Variants in VPS41 observed in about 807,000 individuals in gnomAD.
The protein encoded by VPS41 is VPS41 subunit of HOPS complex, also known as vacuolar protein sorting-associated protein 41 homolog.
VPS41 carries 85 observed loss-of-function variants against 130.9 expected under a neutral mutation model. The ratio of observed to expected loss-of-function variants is 0.65; its 90% CI spans 0.55 to 0.78. VPS41 has a LOEUF of 0.78. VPS41 is among the 30% of genes least tolerant of loss of function. VPS41 has a pLI of 0.00. For missense variants in VPS41, 874 were observed against 1,018.7 expected, an observed-to-expected ratio of 0.86 and a Z score of 1.93; for synonymous variants, 335 against 332.9, an observed-to-expected ratio of 1.01 and a Z score of -0.07.
At chr7:38,752,131 A>C (rs764350383) in intron 22 of VPS41, 45 bp downstream of exon 22, 12 of 1,610,582 alleles carry the variant, frequency 7.5e-6, no homozygotes, top group Non-Finnish European at 9.3e-6. Context: ...CATCAATGAC[A>C]ACCTCTTCAT....
intron 2 of VPS41, among the ~76,000 whole-genome samples, chr7:38,889,573 A>AAAAAAAAAAAC (rs1562625397): frequency 2.7e-5 from 4 of 145,500 alleles, no homozygotes; most frequent in African/African-American, 7.6e-5. Flanking sequence ...AAAAAAAAAA[A>AAAAAAAAAAAC]ACCTTAAAAC....
At chr7:38,844,194 T>C (rs1451094911) in intron 4 of VPS41, among the ~76,000 whole-genome samples, 1 of 152,268 alleles carries the variant, frequency 6.6e-6, no homozygotes, top group Non-Finnish European at 1.5e-5. Context: ...TCACAGTCTA[T>C]TGAACTGCAG....
chr7:38,819,516 A>T (rs1435498099), intron 6 of VPS41, among the ~76,000 whole-genome samples: 1 of 152,042 alleles, frequency 6.6e-6, no homozygotes, highest in Non-Finnish European at 1.5e-5. Context: ...CTCATCTCCA[A>T]TTTATTCCTT....
chr7:38,802,412 C>T (rs1784747140), intron 7 of VPS41, among the ~76,000 whole-genome samples: 1 of 152,116 alleles, frequency 6.6e-6, no homozygotes, highest in South Asian at 2.1e-4. Context: ...CTTTTCCTAT[C>T]CTACATAGTA....
intron 4 of VPS41, among the ~76,000 whole-genome samples, chr7:38,852,468 T>C (rs1214319162): frequency 6.6e-6 from 1 of 152,222 alleles, no homozygotes; most frequent in Non-Finnish European, 1.5e-5. Context: ...GTTGTGGTCA[T>C]TGGGTTGATA....
intron 5 of VPS41, among the ~76,000 whole-genome samples, chr7:38,829,548 A>C (rs1466780351): frequency 6.6e-6 from 1 of 152,222 alleles, no homozygotes; most frequent in East Asian, 1.9e-4. Flanking sequence ...GCAAACCAAC[A>C]TTAGAAAAGA....
intron 12 of VPS41, among the ~76,000 whole-genome samples, 173 bp from the exon 13 acceptor site, chr7:38,772,810 G>C (rs1190835521): frequency 6.6e-6 from 1 of 152,006 alleles, no homozygotes; most frequent in Non-Finnish European, 1.5e-5. Flanking sequence ...GGTAAAGAAT[G>C]ACAGAAGCGT....
intron 22 of VPS41, 154 bp from the exon 23 acceptor site, chr7:38,745,767 A>G (rs1795974186): frequency 1.5e-6 from 1 of 650,666 alleles, no homozygotes; most frequent in Admixed American, 3.0e-5. Flanking sequence ...TCCCTAGAAT[A>G]GCTGCACTCA....
intron 4 of VPS41, 124 bp from the exon 5 acceptor site, chr7:38,830,452 C>T: frequency 1.4e-6 from 1 of 729,940 alleles, no homozygotes; most frequent in Non-Finnish European, 2.5e-6. Flanking sequence ...CAGTTTCCAA[C>T]TATCTTACAC....
chr7:38,900,357 T>C (rs184641273), intron 1 of VPS41, among the ~76,000 whole-genome samples: 1 of 152,250 alleles, frequency 6.6e-6, no homozygotes, highest in South Asian at 2.1e-4. Flanking sequence ...CTAAATAATG[T>C]GTACACGTGG....
At position 38,774,292 on chromosome 7, in the gene VPS41, T is replaced by C. The variant is rs186892791; in HGVS notation, c.883-48A>G. ...CATTAATTTAAATTACATTTCTATA[T>C]ATCATACAAATTAATTCTAGTTAGC... On this transcript the variant is annotated intron_variant, in intron 11 of 28. Transcript: ENST00000310301. The C allele has an allele frequency of 2.3e-5, 34 of 1,492,536 alleles. No individual in the cohort carries two copies. The East Asian group carries it at 7.2e-4, about 32-fold the overall frequency. The allele number at this position is 1,492,536 out of a possible 1,614,324, so 92.5% of individuals were successfully genotyped here. A position where few individuals can be genotyped will look rare whatever the true frequency, so the allele number is the denominator to read the frequency against.
At chr7:38,738,023 T>C (rs930618546) in intron 25 of VPS41, among the ~76,000 whole-genome samples, 5 of 152,096 alleles carry the variant, frequency 3.3e-5, no homozygotes, top group African/African-American at 1.2e-4. Flanking sequence ...AAAACAGAGG[T>C]CCAAGGATGT....
At chr7:38,734,635 A>C (rs1795728890) in intron 25 of VPS41, among the ~76,000 whole-genome samples, 1 of 152,256 alleles carries the variant, frequency 6.6e-6, no homozygotes, top group South Asian at 2.1e-4. Context: ...TTATAAAGCA[A>C]TAAAAGAACT....
chr7:38,857,342 C>G (rs1348257195), intron 4 of VPS41, among the ~76,000 whole-genome samples: 1 of 152,052 alleles, frequency 6.6e-6, no homozygotes, highest in African/African-American at 2.4e-5. Flanking sequence ...TACTATAGTG[C>G]CTTACAGCAA....
Position 38,796,878 on chromosome 7 carries a change from G to A in VPS41, c.451-14C>T, listed in dbSNP as rs1196390581. 1.9e-6 allele frequency: 3 copies of A among 1,613,526 alleles called. No individual in the cohort carries two copies. In the South Asian group the frequency reaches 3.3e-5, roughly 18 times the overall value. ...AAACAGTAGCAGCTAGGGACAAAAA[G>A]CATAAACAAAGAATCTTAGAAACTG... On this transcript the variant is annotated splice_polypyrimidine_tract_variant and intron_variant, in intron 7 of 28. Coordinates refer to ENST00000310301, the MANE Select transcript of VPS41 (RefSeq NM_014396.4).
chr7:38,799,648 T>C (rs1584401781), intron 7 of VPS41, among the ~76,000 whole-genome samples: 1 of 152,222 alleles, frequency 6.6e-6, no homozygotes, highest in Non-Finnish European at 1.5e-5. Context: ...AACCTATAAT[T>C]TTAATGCAAG....
intron 4 of VPS41, among the ~76,000 whole-genome samples, chr7:38,834,498 C>T (rs1341876543): frequency 1.3e-5 from 2 of 151,954 alleles, no homozygotes; most frequent in Admixed American, 6.6e-5. Flanking sequence ...TAAAATAAAA[C>T]GGAGAAGTCA....
rs764001182 is a variant in VPS41, at chr7:38,776,756, A to G, written c.805T>C (p.Phe269Leu). 10 of 1,610,196 alleles carry G rather than the reference A, an allele frequency of 6.2e-6. No individual in the cohort carries two copies. In the Admixed American group the frequency reaches 6.7e-5, roughly 11 times the overall value. ...VEIVSQFETE[F>L]YISGLAPLCD... is the part of the protein sequence containing the mutation. ...AGAGGTGCAAGTCCACTGATGTAGA[A>G]TTCAGTTTCAAACTGAGACACTGCA... The change falls in exon 11 of 29, where the codon TTC (phenylalanine) becomes CTC (leucine). Residue 269 changes from phenylalanine (F) to leucine (L), a missense_variant. Physicochemically the swap from Phe to Leu is conservative, Grantham distance 22. Coordinates refer to ENST00000310301, the MANE Select transcript of VPS41 (RefSeq NM_014396.4).
chr7:38,831,369 C>T (rs1785384230), intron 4 of VPS41: 1 of 402,186 alleles, frequency 2.5e-6, no homozygotes, highest in South Asian at 2.0e-5. Context: ...ATCAGATCCT[C>T]TGCTGCACTA....
Sources: gnomAD v4.1 joint callset for allele counts (sites outside exome capture counted in the v4.1 genomes callset) on GRCh38, gnomAD v4.1.1 for gene constraint, MANE v1.5 for transcripts, NCBI Gene and HGNC (gene_info 2026-07-23, HGNC 2026-07-21) for gene names.